ZAN: variants seen among roughly 807,000 people sequenced by gnomAD.
ZAN encodes the protein zonadhesin (gene/pseudogene).
In ZAN, 260 loss-of-function variants were observed where a neutral mutation model predicts 286.2. The ratio of observed to expected loss-of-function variants is 0.91; its 90% CI spans 0.82 to 1.01. ZAN has a LOEUF of 1.01. Ranked by LOEUF, ZAN falls within the 50% of genes least tolerant of loss-of-function variation. ZAN has a pLI of 0.00. For synonymous variants in ZAN, 1,368 were observed against 1,417.5 expected, an observed-to-expected ratio of 0.97 and a Z score of 0.79; for missense variants, 3,410 against 3,639.2, an observed-to-expected ratio of 0.94 and a Z score of 1.62.
chr7:100,760,575 C>A, intron 19 of ZAN, 39 bp downstream of exon 19: 3 of 1,604,386 alleles, frequency 1.9e-6, no homozygotes, highest in Non-Finnish European at 2.6e-6. Flanking sequence ...CCACTTCTTC[C>A]TGCTGCCTCT....
intron 18 of ZAN, 50 bp from the exon 19 acceptor site, chr7:100,760,341 C>T (rs1809468180): frequency 6.3e-7 from 1 of 1,596,424 alleles, no homozygotes; most frequent in East Asian, 2.3e-5. Flanking sequence ...TGCTGGGGTC[C>T]TCCTTGACCC....
chr7:100,793,687 C>T, intron 42 of ZAN, 133 bp from the exon 43 acceptor site: 2 of 923,910 alleles, frequency 2.2e-6, no homozygotes, highest in Non-Finnish European at 3.2e-6. Flanking sequence ...ATCCACCTGC[C>T]TCATCCTCCC....
At chr7:100,791,810 T>C (rs1371005686) in intron 40 of ZAN, among the ~76,000 whole-genome samples, 156 bp from the exon 41 acceptor site, 2 of 151,190 alleles carry the variant, frequency 1.3e-5, no homozygotes, top group East Asian at 3.9e-4. Context: ...TCACTGCAGT[T>C]TCCACCTCCT....
chr7:100,792,091 ACCC>A lies in ZAN; in HGVS notation c.7658_7660del (p.Pro2553del). ...ACCCAGGCCTGTAGGGTGCTGGCAG[ACCC>A]CCAGGGCCCCTTTGCTGCCTGTCAC... On this transcript the variant is annotated inframe_deletion, in exon 41 of 48. Transcript: ENST00000613979. 6.2e-7 allele frequency: 1 copy of A among 1,612,738 alleles called. No individual in the cohort carries two copies. The highest frequency in any genetic ancestry group is 8.5e-7 in the Non-Finnish European group (1 of 1,179,694).
Position 100,797,794 on chromosome 7 carries a change from T to G in ZAN, c.*62T>G. On this transcript the variant is annotated 3_prime_UTR_variant, in exon 48 of 48. Transcript: ENST00000613979. ...TAAATAAATTTATATATTTATTTATTTGAGACAGGGTCTTGCTCTGTCGCC... is the reference window on the plus strand; with the variant it reads ...TAAATAAATTTATATATTTATTTATGTGAGACAGGGTCTTGCTCTGTCGCC... 6.4e-7 allele frequency: 1 copy of G among 1,571,006 alleles called. No individual in the cohort carries two copies. The highest frequency in any genetic ancestry group is 8.6e-7 in the Non-Finnish European group (1 of 1,158,934).
chr7:100,789,224 A>G lies in ZAN; in HGVS notation c.7234A>G (p.Asn2412Asp). The change falls in exon 39 of 48, where the codon AAC becomes GAC. Residue 2412 changes from asparagine to aspartate, a missense_variant. Asn to Asp is a conservative substitution (Grantham distance 23). Transcript: ENST00000613979. ...TCCTGTCTTCCCTCTTTAGGTCAAC[A>G]ACCAGAAGATGGCCGTCCCCTACAG... ...LQAGLELVVN[N>D]QKMAVPYRPN... is the part of the protein sequence containing the mutation. The G allele has an allele frequency of 1.2e-6, 2 of 1,613,226 alleles. No individual in the cohort carries two copies. The highest frequency in any genetic ancestry group is 1.7e-6 in the Non-Finnish European group (2 of 1,179,606).
At position 100,779,454 on chromosome 7, in the gene ZAN, G is replaced by T; in HGVS notation, c.6326G>T (p.Ser2109Ile). The T allele has an allele frequency of 1.2e-6, 2 of 1,603,014 alleles. No homozygotes were observed. Among genetic ancestry groups the T allele is most frequent in the Non-Finnish European group, 8.5e-7 (1 of 1,173,492 alleles). Residue 2109 changes from serine to isoleucine, a missense_variant, in exon 35 of 48, where the codon AGT becomes ATT. By Grantham distance (142) the Ser-to-Ile change is moderately radical (BLOSUM62 -2). Transcript: ENST00000613979. ...TTCTTTTCCCTTCCCAGTTGTCAGA[G>T]TCTCCTGGTAGATGAGCAGCAGATT... Reference protein sequence around the residue: ...KDKDIDPSCQSLLVDEQQIPA... With the variant: ...KDKDIDPSCQILLVDEQQIPA...
intron 35 of ZAN, 31 bp downstream of exon 35, chr7:100,779,781 C>G: frequency 6.5e-7 from 1 of 1,527,604 alleles, no homozygotes; most frequent in Non-Finnish European, 8.8e-7. Flanking sequence ...CCCCAAACCC[C>G]TCCCAAACCC....
chr7:100,739,473 C>A (rs1451601278), intron 7 of ZAN, among the ~76,000 whole-genome samples: 1 of 137,070 alleles, frequency 7.3e-6, no homozygotes, highest in African/African-American at 2.6e-5. Context: ...ATAAAGTGAG[C>A]GATGCTACTG....
intron 14 of ZAN, among the ~76,000 whole-genome samples, chr7:100,754,872 C>T (rs907437525): frequency 5.3e-5 from 8 of 151,996 alleles, no homozygotes; most frequent in African/African-American, 1.9e-4. Flanking sequence ...GAACTCCTGG[C>T]CTCAAGTGAT....
chr7:100,777,008 A>G (rs1020109146), intron 34 of ZAN, among the ~76,000 whole-genome samples: 1 of 147,616 alleles, frequency 6.8e-6, no homozygotes. Context: ...CTGGGATTAC[A>G]GGCGTGAGCC....
In ZAN at chr7:100,755,375, T is replaced by A. The variant is rs968422239; in HGVS notation, c.3274T>A (p.Ser1092Thr). Reference protein sequence around the residue: ...FSDNHCIQASSCNCFYNNDYY... With the variant: ...FSDNHCIQASTCNCFYNNDYY... ...TGACAACCACTGCATCCAGGCCTCT[T>A]CCTGCAATTGCTTCTACAACAACGA... is the stretch of plus-strand genomic sequence containing the variant. Residue 1092 changes from serine to threonine, a missense_variant, in exon 15 of 48, where the codon TCC becomes ACC. This residue lies in a region of ZAN where 1,042 missense variants were observed against 1,058.0 expected (regional missense o/e 0.98). Transcript: ENST00000613979. 3.7e-6 allele frequency: 6 copies of A among 1,613,374 alleles called. No individual in the cohort carries two copies. Among genetic ancestry groups the A allele is most frequent in the Non-Finnish European group, 5.1e-6 (6 of 1,179,736 alleles).
chr7:100,781,294 T>C (rs1811180226), intron 35 of ZAN, among the ~76,000 whole-genome samples: 1 of 152,072 alleles, frequency 6.6e-6, no homozygotes, highest in Non-Finnish European at 1.5e-5. Context: ...TCTCGATCTC[T>C]TGACCTTGTG....
At chr7:100,790,173 A>G (rs1320920696) in intron 39 of ZAN, among the ~76,000 whole-genome samples, 1 of 151,870 alleles carries the variant, frequency 6.6e-6, no homozygotes, top group East Asian at 1.9e-4. Flanking sequence ...CCGAGGAGAG[A>G]GGATCGCTTG....
At chr7:100,796,421 CTTT>C (rs144829996) in intron 45 of ZAN, among the ~76,000 whole-genome samples, 6 of 120,396 alleles carry the variant, frequency 5.0e-5, no homozygotes, top group Non-Finnish European at 6.8e-5. Flanking sequence ...CAGGAATCTG[CTTT>C]TTTTTTTTTT....
chr7:100,738,882 TCC>T (rs1491559148), intron 7 of ZAN, among the ~76,000 whole-genome samples: 3 of 3,832 alleles, frequency 7.8e-4, no homozygotes, highest in Non-Finnish European at 9.7e-4. Context: ...CTTCTCCCTC[TCC>T]CTCTCCCTCT....
intron 7 of ZAN, among the ~76,000 whole-genome samples, chr7:100,745,089 G>A (rs1808094129): frequency 6.6e-6 from 1 of 151,634 alleles, no homozygotes; most frequent in Non-Finnish European, 1.5e-5. Context: ...TCGCCATGTT[G>A]GCCAAGCTGG....
chr7:100,746,728 T>C (rs769904673), intron 8 of ZAN, 26 bp downstream of exon 8: 5 of 1,612,656 alleles, frequency 3.1e-6, no homozygotes, highest in Non-Finnish European at 3.4e-6. Context: ...TAATGGGATT[T>C]ACACTGATCT....
intron 15 of ZAN, among the ~76,000 whole-genome samples, chr7:100,756,528 T>C (rs1451989797): frequency 6.6e-6 from 1 of 152,070 alleles, no homozygotes; most frequent in African/African-American, 2.4e-5. Flanking sequence ...CTTCTGCTTG[T>C]CCCTTTTGGG....
Sources: allele counts gnomAD v4.1 joint callset (sites outside exome capture counted in the v4.1 genomes callset), GRCh38; gene constraint gnomAD v4.1.1; regional missense constraint gnomAD v4.1.1; transcripts MANE v1.5; gene names NCBI Gene and HGNC (gene_info 2026-07-23, HGNC 2026-07-21).